The following ATP6V1G3 variants were observed in gnomAD, a reference collection of about 807,000 sequenced individuals.
ATP6V1G3 encodes the protein ATPase H+ transporting V1 subunit G3, also known as V-type proton ATPase subunit G 3.
A neutral mutation model predicts 9.3 loss-of-function variants in ATP6V1G3; 9 were observed. That is an observed-to-expected ratio of 0.97 (90% CI 0.59 to 1.69). ATP6V1G3 has a LOEUF of 1.69. Ranked by LOEUF, ATP6V1G3 falls within the 40% of genes most tolerant of loss-of-function variation. The probability of loss-of-function intolerance (pLI) is 0.00; values close to 1 mark genes in which losing one functional copy is unlikely to be tolerated. For synonymous variants in ATP6V1G3, 43 were observed against 43.8 expected (o/e 0.98, Z 0.07); for missense variants, 133 against 139.0 (o/e 0.96, Z 0.22).
At chr1:198,540,279 A>G (rs1157673661) in intron 1 of ATP6V1G3, among the ~76,000 whole-genome samples, 2 of 152,178 alleles carry the variant, frequency 1.3e-5, no homozygotes, top group Non-Finnish European at 2.9e-5. Flanking sequence ...ACCCCCTAAC[A>G]ATGTTGAGAA....
intron 1 of ATP6V1G3, among the ~76,000 whole-genome samples, chr1:198,538,891 C>G (rs927249448): frequency 1.6e-4 from 16 of 97,388 alleles, no homozygotes; most frequent in African/African-American, 4.4e-4. Flanking sequence ...GACCCTGTCT[C>G]AAAAAAAAAA....
chr1:198,536,920 G>A (rs1045443596), intron 1 of ATP6V1G3, among the ~76,000 whole-genome samples: 2 of 152,154 alleles, frequency 1.3e-5, no homozygotes, highest in Admixed American at 6.5e-5. Context: ...GTGTGTGTGT[G>A]TGCGTGTATT....
At chr1:198,534,150 C>G (rs756254835) in intron 1 of ATP6V1G3, among the ~76,000 whole-genome samples, 12 of 152,122 alleles carry the variant, frequency 7.9e-5, no homozygotes, top group Admixed American at 3.3e-4. Flanking sequence ...CTCCTGGTAC[C>G]TCTGATGTAA....
intron 1 of ATP6V1G3, among the ~76,000 whole-genome samples, chr1:198,530,511 G>A (rs1465686068): frequency 2.0e-5 from 3 of 152,144 alleles, no homozygotes; most frequent in African/African-American, 4.8e-5. Flanking sequence ...ACCCTTGAAT[G>A]GAACTGGGAA....
At chr1:198,532,717 G>T (rs532241814) in intron 1 of ATP6V1G3, among the ~76,000 whole-genome samples, 3 of 152,248 alleles carry the variant, frequency 2.0e-5, no homozygotes, top group Admixed American at 6.5e-5. Flanking sequence ...GATATCTGAA[G>T]GGGGAGAGTC....
At chr1:198,525,239 T>A (rs186220406) in intron 2 of ATP6V1G3, among the ~76,000 whole-genome samples, 1 of 152,312 alleles carries the variant, frequency 6.6e-6, no homozygotes, top group Non-Finnish European at 1.5e-5. Context: ...TTAAGTGTGA[T>A]TCTACCAAAT....
intron 1 of ATP6V1G3, among the ~76,000 whole-genome samples, chr1:198,537,582 A>G (rs1464267134): frequency 1.3e-5 from 2 of 152,214 alleles, no homozygotes; most frequent in African/African-American, 4.8e-5. Context: ...CCTCATTCTG[A>G]ATATCATTCT....
chr1:198,528,301 A>T (rs1253349276), intron 2 of ATP6V1G3, among the ~76,000 whole-genome samples: 1 of 152,150 alleles, frequency 6.6e-6, no homozygotes, highest in African/African-American at 2.4e-5. Flanking sequence ...TTAAAATAGA[A>T]GTTGTAAATA....
intron 1 of ATP6V1G3, among the ~76,000 whole-genome samples, chr1:198,534,838 T>C (rs1660042824): frequency 6.6e-6 from 1 of 152,210 alleles, no homozygotes; most frequent in African/African-American, 2.4e-5. Flanking sequence ...CTTTGGGCGA[T>C]TGTCAATATT....
At chr1:198,530,325 T>A (rs1239182305) in intron 1 of ATP6V1G3, among the ~76,000 whole-genome samples, 1 of 152,168 alleles carries the variant, frequency 6.6e-6, no homozygotes, top group Non-Finnish European at 1.5e-5. Context: ...GTGTAAACTT[T>A]TATCTGTCTC....
chr1:198,535,998 C>CA (rs1221655359), intron 1 of ATP6V1G3, among the ~76,000 whole-genome samples: 1 of 125,202 alleles, frequency 8.0e-6, no homozygotes, highest in East Asian at 2.5e-4. Context: ...AGAAAATTTA[C>CA]ATTTTTTTTT....
At chr1:198,523,647 T>G in intron 2 of ATP6V1G3, 83 bp from the exon 3 acceptor site, 1 of 1,324,730 alleles carries the variant, frequency 7.5e-7, no homozygotes. Flanking sequence ...TTACTGATGA[T>G]TGTCCTACAA....
intron 1 of ATP6V1G3, among the ~76,000 whole-genome samples, chr1:198,530,725 A>C (rs1009975902): frequency 2.0e-5 from 3 of 152,148 alleles, no homozygotes; most frequent in Admixed American, 6.6e-5. Flanking sequence ...TGACAACTAC[A>C]TATATATTAT....
intron 2 of ATP6V1G3, among the ~76,000 whole-genome samples, chr1:198,526,465 T>C (rs1659656294): frequency 6.6e-6 from 1 of 152,150 alleles, no homozygotes; most frequent in Non-Finnish European, 1.5e-5. Context: ...TGGGAGAATG[T>C]ATAAGTTAGT....
At chr1:198,529,327 G>A (rs1306183077) in intron 1 of ATP6V1G3, 146 bp from the exon 2 acceptor site, 1 of 207,254 alleles carries the variant, frequency 4.8e-6, no homozygotes, top group Non-Finnish European at 9.1e-6. Flanking sequence ...TGCAAACTTA[G>A]TTTTTTTAAA....
chr1:198,524,599 C>T (rs1413895817), intron 2 of ATP6V1G3, among the ~76,000 whole-genome samples: 1 of 152,084 alleles, frequency 6.6e-6, no homozygotes, highest in Non-Finnish European at 1.5e-5. Context: ...CTATTATCTC[C>T]TCTTTCCTCA....
chr1:198,533,906 T>G (rs1660005363), intron 1 of ATP6V1G3, among the ~76,000 whole-genome samples: 1 of 152,220 alleles, frequency 6.6e-6, no homozygotes, highest in African/African-American at 2.4e-5. Context: ...AATATTGGGT[T>G]TAGCAAGACT....
chr1:198,528,304 T>A (rs1241348980), intron 2 of ATP6V1G3, among the ~76,000 whole-genome samples: 1 of 152,164 alleles, frequency 6.6e-6, no homozygotes, highest in Non-Finnish European at 1.5e-5. Context: ...AAATAGAAGT[T>A]GTAAATAAAG....
intron 1 of ATP6V1G3, among the ~76,000 whole-genome samples, chr1:198,537,986 A>G (rs966704656): frequency 2.0e-5 from 3 of 152,252 alleles, no homozygotes; most frequent in African/African-American, 4.8e-5. Context: ...TTAAGAAAAC[A>G]GTTTCTATCC....
Sources: gnomAD v4.1 joint callset for allele counts (sites outside exome capture counted in the v4.1 genomes callset) on GRCh38, gnomAD v4.1.1 for gene constraint, MANE v1.5 for transcripts, NCBI Gene and HGNC (gene_info 2026-07-23, HGNC 2026-07-21) for gene names.